Variants in CLIP1 observed in about 807,000 individuals in gnomAD.
CLIP1 encodes CAP-Gly domain-containing linker protein 1.
CLIP1 carries 66 observed loss-of-function variants against 161.6 expected under a neutral mutation model. The ratio of observed to expected loss-of-function variants is 0.41; its 90% CI spans 0.33 to 0.50. The LOEUF (loss-of-function observed/expected upper bound fraction) is 0.50. Ranked by LOEUF, CLIP1 falls within the 20% of genes least tolerant of loss-of-function variation. The pLI is 0.27. For synonymous variants in CLIP1, 598 were observed against 626.2 expected (o/e 0.96, Z 0.67); for missense variants, 1,376 against 1,702.0 (o/e 0.81, Z 3.37).
rs780694795 is a variant in CLIP1, at chr12:122,309,783, G to A, written c.3573C>T (p.Asp1191=). The A allele has an allele frequency of 1.2e-6, 2 of 1,612,866 alleles. No individual in the cohort carries two copies. Among genetic ancestry groups the A allele is most frequent in the Non-Finnish European group, 8.5e-7 (1 of 1,180,026 alleles). The stretch of plus-strand genomic sequence containing the variant: ...TGACCTTTTGATGACTTGTGACTTC[G>A]TCCCTGCTTCTCCCCAGCTCCTCAG... ...KLAEELGRSR[D]EVTSHQKLEE... is the part of the protein sequence containing the mutation. The change falls in exon 20 of 26, where the codon GAC becomes GAT. Residue 1191 remains aspartate (D), a synonymous_variant. Transcript: ENST00000620786.
chr12:122,368,235 C>T (rs1954262582), intron 3 of CLIP1, among the ~76,000 whole-genome samples: 1 of 152,024 alleles, frequency 6.6e-6, no homozygotes, highest in African/African-American at 2.4e-5. Flanking sequence ...CCTTAAAAAA[C>T]AAGGATAAAC....
At chr12:122,410,711 A>AGTGG (rs1177098182) in intron 1 of CLIP1, among the ~76,000 whole-genome samples, 1 of 152,098 alleles carries the variant, frequency 6.6e-6, no homozygotes, top group African/African-American at 2.4e-5. Context: ...TGCCCACCTC[A>AGTGG]GCCTCCCAAA....
At chr12:122,383,355 A>T (rs1466908320) in intron 1 of CLIP1, among the ~76,000 whole-genome samples, 1 of 152,230 alleles carries the variant, frequency 6.6e-6, no homozygotes, top group African/African-American at 2.4e-5. Flanking sequence ...CGGCCACAAG[A>T]CCTAACAAGG....
At chr12:122,329,214 C>A (rs1951831546) in intron 15 of CLIP1, among the ~76,000 whole-genome samples, 1 of 152,144 alleles carries the variant, frequency 6.6e-6, no homozygotes, top group Non-Finnish European at 1.5e-5. Context: ...ACAATCCCAG[C>A]TACTCAGGAG....
chr12:122,353,833 G>A (rs1200281015), intron 7 of CLIP1, among the ~76,000 whole-genome samples: 1 of 151,686 alleles, frequency 6.6e-6, no homozygotes, highest in South Asian at 2.1e-4. Flanking sequence ...GTTTCACCAT[G>A]TTGGTCACGT....
At chr12:122,376,262 G>A (rs1456995286) in intron 3 of CLIP1, among the ~76,000 whole-genome samples, 1 of 151,926 alleles carries the variant, frequency 6.6e-6, no homozygotes, top group African/African-American at 2.4e-5. Context: ...TATAGAGACA[G>A]GGTCTCACTT....
chr12:122,286,550 A>G (rs1955862305), intron 21 of CLIP1, among the ~76,000 whole-genome samples: 1 of 149,314 alleles, frequency 6.7e-6, no homozygotes, highest in Non-Finnish European at 1.5e-5. Context: ...AAAAAAAAAA[A>G]AAGTAGACAA....
At chr12:122,396,313 C>T (rs890684874) in intron 1 of CLIP1, among the ~76,000 whole-genome samples, 1 of 152,102 alleles carries the variant, frequency 6.6e-6, no homozygotes, top group Non-Finnish European at 1.5e-5. Context: ...GGGACAGCTC[C>T]GGAATAGCCC....
intron 5 of CLIP1, 186 bp downstream of exon 5, chr12:122,360,772 TC>T: frequency 1.8e-6 from 1 of 552,088 alleles, no homozygotes; most frequent in East Asian, 2.9e-5. Flanking sequence ...CTTTCTGATT[TC>T]AAAAAACGCA....
intron 18 of CLIP1, 114 bp from the exon 19 acceptor site, chr12:122,316,969 C>CAA (rs990581077): frequency 9.3e-5 from 46 of 493,492 alleles, no homozygotes; most frequent in East Asian, 1.6e-4. Context: ...TAGTCACTCG[C>CAA]AAAAAAAAAA....
chr12:122,324,342 CA>C (rs781648594), intron 17 of CLIP1: 1 of 152,576 alleles, frequency 6.6e-6, no homozygotes, highest in Non-Finnish European at 1.5e-5. Context: ...GACATTAGTT[CA>C]ATTTCTTTTT....
At chr12:122,339,340 T>A (rs546946122) in intron 11 of CLIP1, among the ~76,000 whole-genome samples, 1 of 85,692 alleles carries the variant, frequency 1.2e-5, no homozygotes, top group South Asian at 3.7e-4. Flanking sequence ...CAGCATGGGT[T>A]TTTTTTTGTT....
chr12:122,305,008 C>T (rs1950816455), intron 20 of CLIP1, among the ~76,000 whole-genome samples: 1 of 152,198 alleles, frequency 6.6e-6, no homozygotes, highest in African/African-American at 2.4e-5. Flanking sequence ...AATACATCTG[C>T]TATAACCTCT....
At chr12:122,344,511 T>C (rs1952655333) in intron 10 of CLIP1, among the ~76,000 whole-genome samples, 1 of 150,806 alleles carries the variant, frequency 6.6e-6, no homozygotes, top group Non-Finnish European at 1.5e-5. Flanking sequence ...TTAAACCCAA[T>C]AGGGCAATGG....
chr12:122,399,214 C>T (rs979996806), intron 1 of CLIP1: 2 of 152,136 alleles, frequency 1.3e-5, no homozygotes, highest in African/African-American at 4.8e-5. Flanking sequence ...CTCACATAAC[C>T]CCTTCCCCGG....
chr12:122,355,415 C>A lies in CLIP1; in HGVS notation c.1006-103G>T. On this transcript the variant is annotated intron_variant, in intron 5 of 25. Coordinates refer to ENST00000620786, the MANE Select transcript of CLIP1 (RefSeq NM_001247997.2). The surrounding 1 kb of genome is among the most constrained non-coding windows in gnomAD (Gnocchi z 4.1). ...GCATCTGCTCGGCAAAGCAAGGGCG[C>A]TGCTCCAGCTGGCAGGCTGGCCAGG... 1 of 998,576 alleles carries A rather than the reference C, an allele frequency of 1.0e-6. No individual in the cohort carries two copies. Among genetic ancestry groups the A allele is most frequent in the South Asian group, 1.5e-5 (1 of 64,772 alleles). 61.9% of individuals were successfully genotyped at this position (998,576 alleles called of 1,614,324 possible). A position where few individuals can be genotyped will look rare whatever the true frequency, so the allele number is the denominator to read the frequency against.
intron 1 of CLIP1, among the ~76,000 whole-genome samples, chr12:122,405,400 G>C (rs1956292297): frequency 6.6e-6 from 1 of 152,222 alleles, no homozygotes; most frequent in South Asian, 2.1e-4. Flanking sequence ...ATTTCTCTAA[G>C]TATGTGGGTA....
At chr12:122,362,633 C>T (rs1953909539) in intron 4 of CLIP1, among the ~76,000 whole-genome samples, 1 of 75,358 alleles carries the variant, frequency 1.3e-5, no homozygotes, top group South Asian at 5.7e-4. Flanking sequence ...GAGCAAGACT[C>T]CATCTCAAAA....
At chr12:122,404,909 A>C (rs1034793178) in intron 1 of CLIP1, among the ~76,000 whole-genome samples, 2 of 149,952 alleles carry the variant, frequency 1.3e-5, no homozygotes, top group African/African-American at 2.5e-5. Flanking sequence ...CAAAAAAAAA[A>C]AACAAAACAA....
Sources: allele counts gnomAD v4.1 joint callset (sites outside exome capture counted in the v4.1 genomes callset), GRCh38; gene constraint gnomAD v4.1.1; non-coding constraint Gnocchi (gnomAD v3.1); transcripts MANE v1.5; gene names NCBI Gene and HGNC (gene_info 2026-07-23, HGNC 2026-07-21).